The following PRKCB variants were observed in gnomAD, a reference collection of about 807,000 sequenced individuals.
PRKCB encodes protein kinase C beta, also known as protein kinase C beta type.
PRKCB carries 13 observed loss-of-function variants against 81.5 expected under a neutral mutation model. The ratio of observed to expected loss-of-function variants is 0.16; its 90% CI spans 0.10 to 0.25. The LOEUF (loss-of-function observed/expected upper bound fraction) is 0.25. Ranked by LOEUF, PRKCB falls within the 10% of genes least tolerant of loss-of-function variation. PRKCB has a pLI of 1.00. For missense variants in PRKCB, 509 were observed against 875.7 expected (o/e 0.58, Z 5.29); for synonymous variants, 335 against 321.4 (o/e 1.04, Z -0.45).
intron 2 of PRKCB, among the ~76,000 whole-genome samples, chr16:23,840,895 G>A (rs904848265): frequency 2.0e-5 from 3 of 151,952 alleles, no homozygotes; most frequent in African/African-American, 7.3e-5. Flanking sequence ...CTCCCTTTTT[G>A]TTTCCACTCT....
chr16:23,990,251 G>T (rs1028788856), intron 3 of PRKCB, among the ~76,000 whole-genome samples: 1 of 152,032 alleles, frequency 6.6e-6, no homozygotes, highest in African/African-American at 2.4e-5. Context: ...AAGGTCAGGA[G>T]ATCGAAACCA....
Position 24,217,478 on chromosome 16 carries a change from A to G in PRKCB, c.*2662A>G, listed in dbSNP as rs1192918014. ...TCCTTGGATGAGTGCTACTGTTTTC[A>G]CATGGCTTCAGATGCTATCAACCTC... On this transcript the variant is annotated 3_prime_UTR_variant, in exon 17 of 17. Coordinates refer to ENST00000643927, the MANE Select transcript of PRKCB (RefSeq NM_002738.7). 1 of 985,352 alleles carries G rather than the reference A, an allele frequency of 1.0e-6. No homozygotes were observed. The highest frequency in any genetic ancestry group is 1.2e-6 in the Non-Finnish European group (1 of 829,952). The allele number at this position is 985,352 out of a possible 1,614,324, so 61.0% of individuals were successfully genotyped here. A position where few individuals can be genotyped will look rare whatever the true frequency, so the allele number is the denominator to read the frequency against.
intron 2 of PRKCB, among the ~76,000 whole-genome samples, chr16:23,978,088 A>C (rs1391663586): frequency 1.3e-5 from 2 of 152,188 alleles, no homozygotes; most frequent in African/African-American, 4.8e-5. Context: ...TCATACAACC[A>C]AGCTGTAAAT....
intron 2 of PRKCB, among the ~76,000 whole-genome samples, chr16:23,856,487 A>G (rs1161310768): frequency 6.6e-6 from 1 of 151,728 alleles, no homozygotes; most frequent in African/African-American, 2.4e-5. Flanking sequence ...AAAATATCAC[A>G]GTGCATCACT....
rs1305088338 is a variant in PRKCB, at chr16:24,094,851, GGA to G, written c.821+555_821+556del. Among the ~76,000 whole-genome samples the G allele has an allele frequency of 4.9e-4, 70 of 141,418 alleles. 1 individual carries two copies. The highest frequency in any genetic ancestry group is 1.6e-3 in the African/African-American group (59 of 36,344). 92.8% of individuals were successfully genotyped at this position (141,418 alleles called of 152,430 possible). ...AGGAAGGAAGGAAGGAAGGAAGGAA[GGA>G]AAGGAAGAAAAAGGGAAAGGGAAAG... On this transcript the variant is annotated intron_variant, in intron 7 of 16. Coordinates refer to ENST00000643927, the MANE Select transcript of PRKCB (RefSeq NM_002738.7).
intron 2 of PRKCB, among the ~76,000 whole-genome samples, chr16:23,939,526 A>G (rs1171198977): frequency 6.6e-6 from 1 of 152,226 alleles, no homozygotes; most frequent in Non-Finnish European, 1.5e-5. Flanking sequence ...TCAATAGAAC[A>G]GAATAGATAA....
At chr16:23,932,722 C>A (rs1238734836) in intron 2 of PRKCB, among the ~76,000 whole-genome samples, 2 of 152,218 alleles carry the variant, frequency 1.3e-5, no homozygotes, top group Admixed American at 1.3e-4. Context: ...ATGGGGGAAG[C>A]AGTTGCCTTG....
At chr16:24,134,052 C>T (rs1049320171) in intron 9 of PRKCB, among the ~76,000 whole-genome samples, 8 of 152,024 alleles carry the variant, frequency 5.3e-5, no homozygotes, top group Admixed American at 6.6e-5. Context: ...CATGCCACCA[C>T]ACCCAGCTAA....
chr16:23,990,895 G>T (rs1180053955), intron 3 of PRKCB, among the ~76,000 whole-genome samples: 3 of 152,298 alleles, frequency 2.0e-5, no homozygotes, highest in South Asian at 4.1e-4. Context: ...AGCTGAGAAG[G>T]CTTTCCACCA....
At chr16:23,982,616 A>G (rs1455473851) in intron 2 of PRKCB, among the ~76,000 whole-genome samples, 1 of 151,736 alleles carries the variant, frequency 6.6e-6, no homozygotes, top group African/African-American at 2.4e-5. Flanking sequence ...TTTTTTAGAG[A>G]TGGAGTCTTG....
At chr16:23,931,662 C>T (rs772528888) in intron 2 of PRKCB, among the ~76,000 whole-genome samples, 9 of 152,008 alleles carry the variant, frequency 5.9e-5, no homozygotes, top group Non-Finnish European at 1.3e-4. Context: ...GCTGTGCTAC[C>T]GAGACGGGGA....
chr16:24,209,603 T>C (rs1458150906), intron 16 of PRKCB, among the ~76,000 whole-genome samples: 2 of 151,900 alleles, frequency 1.3e-5, no homozygotes, highest in Non-Finnish European at 2.9e-5. Flanking sequence ...CCACACCCAA[T>C]CCATCAGCAA....
At chr16:24,077,487 CTCCATCCATCCA>C (rs71154273) in intron 5 of PRKCB, among the ~76,000 whole-genome samples, 5 of 149,722 alleles carry the variant, frequency 3.3e-5, no homozygotes, top group African/African-American at 7.5e-5. Context: ...GCATTCATCT[CTCCATCCATCCA>C]TCCATCCATC....
intron 2 of PRKCB, among the ~76,000 whole-genome samples, chr16:23,954,787 C>T (rs1964327699): frequency 6.6e-6 from 1 of 152,290 alleles, no homozygotes; most frequent in Admixed American, 6.5e-5. Flanking sequence ...TGTAGCGGCT[C>T]ATGCCTGTAA....
chr16:23,888,808 G>T (rs932790234), intron 2 of PRKCB, among the ~76,000 whole-genome samples: 1 of 152,106 alleles, frequency 6.6e-6, no homozygotes, highest in Non-Finnish European at 1.5e-5. Context: ...AGTTGCAAGA[G>T]GGCTGGAAGG....
intron 15 of PRKCB, among the ~76,000 whole-genome samples, 178 bp from the exon 16 acceptor site, chr16:24,190,912 T>C (rs1967782360): frequency 6.6e-6 from 1 of 152,158 alleles, no homozygotes; most frequent in Admixed American, 6.5e-5. Context: ...TATTATCAGG[T>C]CCTCTCCTGC....
intron 8 of PRKCB, among the ~76,000 whole-genome samples, chr16:24,113,679 T>C (rs1413067262): frequency 1.3e-5 from 2 of 152,222 alleles, no homozygotes; most frequent in East Asian, 3.9e-4. Context: ...GCTGTGCTGA[T>C]TTTCCTGTTT....
At chr16:23,908,363 C>A (rs910378054) in intron 2 of PRKCB, among the ~76,000 whole-genome samples, 1 of 151,956 alleles carries the variant, frequency 6.6e-6, no homozygotes, top group Non-Finnish European at 1.5e-5. Context: ...ATGGGGAGGG[C>A]AACTCCAGCA....
intron 2 of PRKCB, among the ~76,000 whole-genome samples, chr16:23,855,123 G>A (rs1449415176): frequency 6.6e-6 from 1 of 152,076 alleles, no homozygotes; most frequent in Non-Finnish European, 1.5e-5. Flanking sequence ...CTGTACTTGA[G>A]GAGGGAGAGA....
Sources: allele counts gnomAD v4.1 joint callset (sites outside exome capture counted in the v4.1 genomes callset), GRCh38; gene constraint gnomAD v4.1.1; transcripts MANE v1.5; gene names NCBI Gene and HGNC (gene_info 2026-07-23, HGNC 2026-07-21).